Variants in TMEM67 observed in about 807,000 individuals in gnomAD.
TMEM67 encodes transmembrane protein 67.
Under a neutral mutation model 136.6 loss-of-function variants are expected in TMEM67, and 124 were observed. That is an observed-to-expected ratio of 0.91 (90% CI 0.78 to 1.05). The LOEUF (loss-of-function observed/expected upper bound fraction) is 1.05. Ranked by LOEUF, TMEM67 falls within the 50% of genes least tolerant of loss-of-function variation. The pLI, the probability that TMEM67 is intolerant of heterozygous loss-of-function variation, is 0.00. For missense variants in TMEM67, 1,107 were observed against 1,178.4 expected (o/e 0.94, Z 0.89); for synonymous variants, 364 against 390.5 (o/e 0.93, Z 0.80).
chr8:93,765,386 A>AT lies in TMEM67; in HGVS notation c.507-15dup. 6.3e-7 allele frequency: 1 copy of AT among 1,595,864 alleles called. No homozygotes were observed. Among genetic ancestry groups the AT allele is most frequent in the Non-Finnish European group, 8.6e-7 (1 of 1,166,774 alleles). On this transcript the variant is annotated intron_variant, in intron 4 of 27. Coordinates refer to ENST00000453321, the MANE Select transcript of TMEM67 (RefSeq NM_153704.6). The stretch of plus-strand genomic sequence containing the variant: ...ATAATTTATTAACATTTTTAAAATT[A>AT]TTTTTGTTATATTGAACAGGTGCGT...
chr8:93,820,791 G>T (rs1363620240), downstream of TMEM67, among the ~76,000 whole-genome samples: 1 of 152,194 alleles, frequency 6.6e-6, no homozygotes, highest in Non-Finnish European at 1.5e-5. Flanking sequence ...AGTGCAGAAA[G>T]AGAGACCCAG....
downstream of TMEM67, among the ~76,000 whole-genome samples, chr8:93,819,443 GT>G (rs1419789573): frequency 2.6e-5 from 4 of 152,030 alleles, no homozygotes; most frequent in African/African-American, 9.7e-5. Context: ...GGGAGGGAGG[GT>G]TTTTTTCATT....
the TMEM67 span, among the ~76,000 whole-genome samples, chr8:93,830,821 C>T: frequency 6.6e-6 from 1 of 152,214 alleles, no homozygotes; most frequent in African/African-American, 2.4e-5. Context: ...GCAAAGCTCT[C>T]CCTGGTAGGA....
the TMEM67 span, among the ~76,000 whole-genome samples, chr8:93,832,546 G>A: frequency 1.3e-5 from 2 of 152,126 alleles, no homozygotes; most frequent in African/African-American, 4.8e-5. Context: ...CTTCCAGAAT[G>A]TGAAAGCAAC....
At chr8:93,785,610 A>T in intron 12 of TMEM67, 1 of 433,158 alleles carries the variant, frequency 2.3e-6, no homozygotes, top group Non-Finnish European at 4.0e-6. Context: ...CTGAGGGTAT[A>T]TCCTGAGAAA....
rs575288126 is a variant in TMEM67 at position 93,781,001 on chromosome 8, A to C, written c.978+19A>C. The C allele has an allele frequency of 1.4e-5, 19 of 1,363,002 alleles. No homozygotes were observed. Among genetic ancestry groups the C allele is most frequent in the South Asian group, 2.3e-5 (2 of 85,938 alleles). The allele number at this position is 1,363,002 out of a possible 1,614,324, so 84.4% of individuals were successfully genotyped here. ...AAACCAGGTAAAAGTGTCTAATATC[A>C]TTAGAGGATAACTACATTTTGATTT... On this transcript the variant is annotated intron_variant, in intron 9 of 27. Transcript: ENST00000453321.
At chr8:93,825,485 A>T in the TMEM67 span, among the ~76,000 whole-genome samples, 1 of 152,198 alleles carries the variant, frequency 6.6e-6, no homozygotes. Flanking sequence ...GGGTCTAAGT[A>T]CTTTGATAAT....
chr8:93,798,423 T>C (rs1167134568), intron 20 of TMEM67, among the ~76,000 whole-genome samples: 2 of 152,214 alleles, frequency 1.3e-5, no homozygotes, highest in African/African-American at 4.8e-5. Context: ...ATTGAACACT[T>C]ACTGTAGACT....
At chr8:93,830,679 T>C in the TMEM67 span, among the ~76,000 whole-genome samples, 1 of 152,244 alleles carries the variant, frequency 6.6e-6, no homozygotes, top group Non-Finnish European at 1.5e-5. Flanking sequence ...AAAAGCACAC[T>C]GAGTGTTATT....
chr8:93,775,940 A>C (rs998735048), intron 7 of TMEM67, among the ~76,000 whole-genome samples: 5 of 152,078 alleles, frequency 3.3e-5, no homozygotes, highest in Admixed American at 2.6e-4. Context: ...AAGTTACCTG[A>C]GGCAGTAGGG....
At chr8:93,827,110 C>T in the TMEM67 span, among the ~76,000 whole-genome samples, 18 of 152,272 alleles carry the variant, frequency 1.2e-4, no homozygotes, top group African/African-American at 3.8e-4. Flanking sequence ...GGATTACAGA[C>T]GTGAGCCACC....
At chr8:93,803,930 A>G (rs1586080845) in intron 22 of TMEM67, among the ~76,000 whole-genome samples, 1 of 144,188 alleles carries the variant, frequency 6.9e-6, no homozygotes, top group Non-Finnish European at 1.5e-5. Context: ...GCTGGAGTGT[A>G]GTGGCACCAT....
intron 4 of TMEM67, among the ~76,000 whole-genome samples, chr8:93,764,543 C>T (rs925064530): frequency 6.6e-6 from 1 of 151,932 alleles, no homozygotes; most frequent in Non-Finnish European, 1.5e-5. Context: ...TGCCTATATA[C>T]TTCCCTCTAA....
intron 16 of TMEM67, among the ~76,000 whole-genome samples, chr8:93,794,552 C>T (rs889195625): frequency 1.3e-5 from 2 of 152,150 alleles, no homozygotes; most frequent in Non-Finnish European, 2.9e-5. Context: ...TAGGTATTTC[C>T]GTTTTGTTGA....
intron 23 of TMEM67, among the ~76,000 whole-genome samples, chr8:93,808,183 C>G (rs1815239921): frequency 6.7e-6 from 1 of 148,620 alleles, no homozygotes. Flanking sequence ...CTCCTTTACT[C>G]TGTTCTACTT....
intron 2 of TMEM67, among the ~76,000 whole-genome samples, 193 bp from the exon 3 acceptor site, chr8:93,758,290 G>C (rs539168975): frequency 6.6e-6 from 1 of 152,176 alleles, no homozygotes; most frequent in Non-Finnish European, 1.5e-5. Flanking sequence ...TCAGGACATA[G>C]TGATAATATA....
At chr8:93,767,170 C>T (rs954082596) in intron 6 of TMEM67, among the ~76,000 whole-genome samples, 1 of 152,120 alleles carries the variant, frequency 6.6e-6, no homozygotes, top group African/African-American at 2.4e-5. Context: ...TATTACAGGC[C>T]TTACCATCCT....
At chr8:93,766,562 A>G (rs540435298) in intron 6 of TMEM67, among the ~76,000 whole-genome samples, 1 of 152,334 alleles carries the variant, frequency 6.6e-6, no homozygotes, top group Admixed American at 6.5e-5. Flanking sequence ...CCAAGAGAAT[A>G]AGAGTTAGAT....
chr8:93,798,790 A>G (rs1814735237), intron 20 of TMEM67, among the ~76,000 whole-genome samples: 1 of 152,124 alleles, frequency 6.6e-6, no homozygotes, highest in Non-Finnish European at 1.5e-5. Context: ...AGTTCACTTG[A>G]AGTGGTATTT....
Sources: gnomAD v4.1 joint callset for allele counts (sites outside exome capture counted in the v4.1 genomes callset) on GRCh38, gnomAD v4.1.1 for gene constraint, MANE v1.5 for transcripts, NCBI Gene and HGNC (gene_info 2026-07-23, HGNC 2026-07-21) for gene names.